Variants in TRIM7 observed in about 807,000 individuals in gnomAD.
TRIM7 encodes tripartite motif containing 7, also known as E3 ubiquitin-protein ligase TRIM7.
In TRIM7, 32 loss-of-function variants were observed where a neutral mutation model predicts 37.9. That is an observed-to-expected ratio of 0.84 (90% CI 0.64 to 1.13). TRIM7 has a LOEUF of 1.13. TRIM7 is among the 50% of genes most tolerant of loss of function. The pLI, the probability that TRIM7 is intolerant of heterozygous loss-of-function variation, is 0.00. For synonymous variants in TRIM7, 351 were observed against 321.3 expected (o/e 1.09, Z -0.99); for missense variants, 732 against 714.0 (o/e 1.03, Z -0.29).
intron 6 of TRIM7, chr5:181,197,849 C>A (rs1757226123): frequency 2.5e-6 from 1 of 403,570 alleles, no homozygotes; most frequent in Non-Finnish European, 4.6e-6. Context: ...CCTGTATACA[C>A]CCCATTCCCA....
Position 181,195,224 on chromosome 5 carries a change from C to A in TRIM7, c.1478G>T (p.Arg493Leu). ...LYTFRVNFQE[R>L]VFPLFSVCST... is the part of the protein sequence containing the mutation. ...GCAAACAGAGAAAAGCGGGAACACG[C>A]GCTCCTGGAAGTTGACGCGGAAGGT... The change falls in exon 7 of 7, where the codon CGC becomes CTC. Residue 493 changes from arginine (R) to leucine (L), a missense_variant. Physicochemically the swap from Arg to Leu is moderately radical, Grantham distance 102. Coordinates refer to ENST00000274773, the MANE Select transcript of TRIM7 (RefSeq NM_203293.3). The A allele has an allele frequency of 6.2e-7, 1 of 1,612,794 alleles. No homozygotes were observed. The highest frequency in any genetic ancestry group is 8.5e-7 in the Non-Finnish European group (1 of 1,179,362).
intron 5 of TRIM7, 66 bp downstream of exon 5, chr5:181,198,624 C>G (rs1244936725): frequency 1.8e-6 from 2 of 1,142,716 alleles, no homozygotes; most frequent in Non-Finnish European, 2.6e-6. Context: ...CCAGGGACCC[C>G]TGAGCTACCA....
chr5:181,203,313 G>A, intron 2 of TRIM7: 1 of 1,341,288 alleles, frequency 7.5e-7, no homozygotes, highest in African/African-American at 1.5e-5. Context: ...GACAGCTCCA[G>A]TTTAAGCCAG....
chr5:181,203,816 G>T (rs1158566059), intron 1 of TRIM7, 176 bp from the exon 2 acceptor site: 3 of 1,364,884 alleles, frequency 2.2e-6, no homozygotes, highest in African/African-American at 1.5e-5. Flanking sequence ...TGAAGGTCTC[G>T]GGATCTTGCT....
intron 2 of TRIM7, among the ~76,000 whole-genome samples, chr5:181,201,171 G>C (rs577136875): frequency 5.3e-5 from 8 of 152,324 alleles, no homozygotes; most frequent in African/African-American, 1.4e-4. Flanking sequence ...TTTTGGGCCA[G>C]ATACTTCTTG....
chr5:181,204,263 G>C, intron 1 of TRIM7: 1 of 1,084,666 alleles, frequency 9.2e-7, no homozygotes, highest in Non-Finnish European at 1.1e-6. Context: ...CGGGCAGAGA[G>C]CTGCGGAGAC....
Position 181,199,090 on chromosome 5 carries a change from C to T in TRIM7, c.872+5G>A. 2 of 1,614,190 alleles carry T rather than the reference C, an allele frequency of 1.2e-6. No homozygotes were observed. The highest frequency in any genetic ancestry group is 1.7e-6 in the Non-Finnish European group (2 of 1,180,024). On this transcript the variant is annotated splice_donor_5th_base_variant and intron_variant, in intron 4 of 6. Coordinates refer to ENST00000274773, the MANE Select transcript of TRIM7 (RefSeq NM_203293.3). ...AGAGGCCCCAGGAGCTGTGAGGTCA[C>T]TCACCTGCTCAGCGTGCTTTTGAAT...
rs75962376 is a variant in TRIM7 at position 181,200,363 on chromosome 5, C to A, written c.619-282G>T. 1,675 of 1,401,952 alleles carry A rather than the reference C, an allele frequency of 1.2e-3. 2 individuals are homozygous for A. The highest frequency in any genetic ancestry group is 1.3e-3 in the Non-Finnish European group (1,425 of 1,084,676). 86.8% of individuals were successfully genotyped at this position (1,401,952 alleles called of 1,614,324 possible). A position where few individuals can be genotyped will look rare whatever the true frequency, so the allele number is the denominator to read the frequency against. On this transcript the variant is annotated intron_variant, in intron 2 of 6. Transcript: ENST00000274773. The stretch of plus-strand genomic sequence containing the variant: ...AACCAAGGCAGCTTCATACTCCCCC[C>A]AGAACTACGCCAAGCTGCAGCTTCC...
At chr5:181,197,435 C>T (rs1421144056) in intron 6 of TRIM7, 1 of 152,642 alleles carries the variant, frequency 6.6e-6, no homozygotes, top group African/African-American at 2.4e-5. Flanking sequence ...GGAAAGCATG[C>T]TCCAGGTAGG....
chr5:181,199,010 G>A, intron 4 of TRIM7, 85 bp downstream of exon 4: 1 of 1,560,080 alleles, frequency 6.4e-7, no homozygotes, highest in Non-Finnish European at 8.8e-7. Flanking sequence ...GAGGTGAGAG[G>A]TCAGGGGACA....
chr5:181,199,751 T>G, intron 3 of TRIM7, 100 bp downstream of exon 3: 1 of 1,455,678 alleles, frequency 6.9e-7, no homozygotes, highest in Non-Finnish European at 9.0e-7. Context: ...CTCCAGATCA[T>G]GTGATTCTCC....
At chr5:181,198,130 A>G in intron 6 of TRIM7, 53 bp downstream of exon 6, 1 of 1,603,694 alleles carries the variant, frequency 6.2e-7, no homozygotes, top group Non-Finnish European at 8.5e-7. Context: ...AGCAGGGAGT[A>G]GGATCTCTGT....
At chr5:181,198,915 G>T in intron 4 of TRIM7, 110 bp from the exon 5 acceptor site, 1 of 1,181,392 alleles carries the variant, frequency 8.5e-7, no homozygotes, top group Non-Finnish European at 1.2e-6. Context: ...AAAAGGGAGA[G>T]CCAGACCTCA....
In TRIM7 at chr5:181,194,162, G is replaced by C. The variant is rs1322273854; in HGVS notation, c.*1004C>G. The C allele has an allele frequency of 1.3e-5, 2 of 152,294 alleles. No individual in the cohort carries two copies. The highest frequency in any genetic ancestry group is 2.9e-5 in the Non-Finnish European group (2 of 68,074). 9.4% of individuals were successfully genotyped at this position (152,294 alleles called of 1,614,324 possible). ...CTGAGTCCGTCAGGAGCATATTTGTGCTCTGTGTGTTGTTTAGAGCTGGCT... is the reference window on the plus strand; with the variant it reads ...CTGAGTCCGTCAGGAGCATATTTGTCCTCTGTGTGTTGTTTAGAGCTGGCT... On this transcript the variant is annotated 3_prime_UTR_variant, in exon 7 of 7. Transcript: ENST00000274773.
chr5:181,198,366 G>A, intron 5 of TRIM7, 148 bp from the exon 6 acceptor site: 1 of 833,942 alleles, frequency 1.2e-6, no homozygotes, highest in Non-Finnish European at 2.0e-6. Flanking sequence ...GGCCAAGCAT[G>A]GGGAGCGGGG....
intron 1 of TRIM7, chr5:181,203,885 C>G: frequency 7.8e-7 from 1 of 1,281,370 alleles, no homozygotes; most frequent in Admixed American, 3.9e-5. Flanking sequence ...CAGCCCTACC[C>G]CTAGTCGTCT....
chr5:181,198,703 C>A lies in TRIM7; in HGVS notation c.975G>T (p.Leu325=). 1 of 1,613,438 alleles carries A rather than the reference C, an allele frequency of 6.2e-7. No individual in the cohort carries two copies. Among genetic ancestry groups the A allele is most frequent in the Non-Finnish European group, 8.5e-7 (1 of 1,179,392 alleles). Residue 325 remains leucine, a synonymous_variant, in exon 5 of 7, where the codon CTG becomes CTT. Transcript: ENST00000274773. ...SLKTFVLKGM[L]KKFKEDLRGE... The stretch of plus-strand genomic sequence containing the variant: ...CCAGGCCCCTACCTTTGAACTTCTT[C>A]AGCATCCCTTTTAAGACAAAGGTCT...
chr5:181,205,094 G>C lies in TRIM7; in HGVS notation c.17C>G (p.Pro6Arg). The change falls in exon 1 of 7, where the codon CCG becomes CGG. Residue 6 changes from proline to arginine, a missense_variant. Pro to Arg is a moderately radical substitution (Grantham distance 103, BLOSUM62 -2). Transcript: ENST00000274773. ...GGCGCCGGTTCCGGGGCCGGTCCGC[G>C]GTCCCACAGCCGCCATGCGCGCTCT... MAAVG[P>R]RTGPGTGAEA... The C allele has an allele frequency of 2.2e-6, 3 of 1,340,026 alleles. No homozygotes were observed. The highest frequency in any genetic ancestry group is 2.9e-6 in the Non-Finnish European group (3 of 1,047,806). 83.0% of individuals were successfully genotyped at this position (1,340,026 alleles called of 1,614,324 possible). A position where few individuals can be genotyped will look rare whatever the true frequency, so the allele number is the denominator to read the frequency against.
rs749740849 is a variant in TRIM7 at position 181,195,666 on chromosome 5, A to C, written c.1036T>G (p.Leu346Val). Residue 346 changes from leucine (L) to valine (V), a missense_variant, in exon 7 of 7, where the codon TTG (leucine) becomes GTG (valine). Transcript: ENST00000274773. ...LEKEEKVELT[L>V]DPDTANPRLI... Reference sequence around the variant, plus strand: ...CGCGGGTTGGCCGTGTCGGGATCCAAGGTGAGCTCCACTGCAGACAGAGAC... The same window carrying C: ...CGCGGGTTGGCCGTGTCGGGATCCACGGTGAGCTCCACTGCAGACAGAGAC... 5.2e-6 allele frequency: 8 copies of C among 1,524,002 alleles called. No homozygotes were observed. In the East Asian group the frequency reaches 1.8e-4, roughly 35 times the overall value. The allele number at this position is 1,524,002 out of a possible 1,614,324, so 94.4% of individuals were successfully genotyped here.
Sources: gnomAD v4.1 joint callset for allele counts (sites outside exome capture counted in the v4.1 genomes callset) on GRCh38, gnomAD v4.1.1 for gene constraint, MANE v1.5 for transcripts, NCBI Gene and HGNC (gene_info 2026-07-23, HGNC 2026-07-21) for gene names.